Variants in PCDH11X observed in about 807,000 individuals in gnomAD.
The protein encoded by PCDH11X is protocadherin 11 X-linked, also known as protocadherin-11 X-linked.
Under a neutral mutation model 53.3 loss-of-function variants are expected in PCDH11X, and 18 were observed. The observed-to-expected ratio is 0.34, with a 90% CI of 0.23 to 0.50. The LOEUF is 0.50. PCDH11X is among the 20% of genes least tolerant of loss of function. The probability of loss-of-function intolerance (pLI) is 0.98; values close to 1 mark genes in which losing one functional copy is unlikely to be tolerated. For synonymous variants in PCDH11X, 279 were observed against 393.3 expected (o/e 0.71, Z 3.44); for missense variants, 570 against 1,032.4 (o/e 0.55, Z 6.14).
chrX:91,954,874 G>T (rs1363143438), intron 6 of PCDH11X, among the ~76,000 whole-genome samples: 3 of 108,654 alleles, frequency 2.8e-5, no homozygotes, highest in Non-Finnish European at 5.7e-5. Context: ...TTTGTCAGAT[G>T]GATAGATTGC....
At chrX:91,873,357 T>C (rs1011489336) in intron 5 of PCDH11X, among the ~76,000 whole-genome samples, 1 of 109,461 alleles carries the variant, frequency 9.1e-6, no homozygotes, top group Non-Finnish European at 1.9e-5. Context: ...TAAATTAATC[T>C]AATTCATTTA....
intron 9 of PCDH11X, among the ~76,000 whole-genome samples, chrX:92,449,833 G>A (rs1371971114): frequency 9.1e-6 from 1 of 110,396 alleles, no homozygotes; most frequent in Admixed American, 9.8e-5. Context: ...TGATTTAACA[G>A]GAATGAAAAT....
At position 92,422,134 on chromosome X, in the gene PCDH11X, CTT is replaced by C. The variant is rs67131959; in HGVS notation, c.3343+34218_3343+34219del. The stretch of plus-strand genomic sequence containing the variant: ...TAAATGAACCCGTAGAATTTCTTTT[CTT>C]TTTTTTTTTTTTTTTTAAATTTTAT... On this transcript the variant is annotated intron_variant, in intron 9 of 10. Transcript: ENST00000682573. Among the ~76,000 whole-genome samples, 404 of 86,258 alleles carry C rather than the reference CTT, an allele frequency of 4.7e-3. 2 individuals carry two copies. Among genetic ancestry groups the C allele is most frequent in the Middle Eastern group, 0.03 (5 of 167 alleles). The allele number at this position is 86,258 out of a possible 115,157, so 74.9% of individuals were successfully genotyped here. A position where few individuals can be genotyped will look rare whatever the true frequency, so the allele number is the denominator to read the frequency against.
intron 7 of PCDH11X, among the ~76,000 whole-genome samples, chrX:92,233,418 T>C (rs1364060955): frequency 2.7e-5 from 3 of 111,844 alleles, no homozygotes; most frequent in Admixed American, 9.6e-5. Flanking sequence ...GCTTTAGTTG[T>C]CATGCAAGGT....
At chrX:92,146,905 A>G (rs2148226251) in intron 6 of PCDH11X, among the ~76,000 whole-genome samples, 1 of 110,564 alleles carries the variant, frequency 9.0e-6, no homozygotes, top group South Asian at 3.9e-4. Context: ...AGGCTGAGGC[A>G]GGAGAATGGC....
rs190914322 is a variant in PCDH11X, at chrX:92,464,242, C to T, written c.3344-4057C>T. On this transcript the variant is annotated intron_variant, in intron 9 of 10. Coordinates refer to ENST00000682573, the MANE Select transcript of PCDH11X (RefSeq NM_032968.5). The stretch of plus-strand genomic sequence containing the variant: ...CACATTGCAGCTTCTCTGTTTGTAG[C>T]TCATATGGTTTGGCTGTGTCCCCAC... 2.8e-3 allele frequency among the ~76,000 whole-genome samples: 307 copies of T among 111,015 alleles called. 2 individuals carry two copies. Among genetic ancestry groups the T allele is most frequent in the African/African-American group, 9.6e-3 (294 of 30,554 alleles).
At chrX:92,135,343 A>G (rs2065065004) in intron 6 of PCDH11X, among the ~76,000 whole-genome samples, 1 of 111,630 alleles carries the variant, frequency 9.0e-6, no homozygotes, top group Admixed American at 9.6e-5. Context: ...TGTCACAATG[A>G]TAGTGTAACG....
chrX:92,356,462 A>T (rs1225746091), intron 8 of PCDH11X, among the ~76,000 whole-genome samples: 1 of 81,702 alleles, frequency 1.2e-5, no homozygotes, highest in Non-Finnish European at 2.5e-5. Context: ...TTACAACATA[A>T]TTTAGAGTAG....
intron 8 of PCDH11X, among the ~76,000 whole-genome samples, chrX:92,281,795 G>T (rs12557973): frequency 0.033 from 3,636 of 111,018 alleles, 113 homozygotes; most frequent in East Asian, 0.26. Context: ...AGACTAATTT[G>T]GTAGCAGAAT....
intron 10 of PCDH11X, among the ~76,000 whole-genome samples, chrX:92,532,754 C>A (rs1283209962): frequency 9.2e-6 from 1 of 108,790 alleles, no homozygotes; most frequent in Non-Finnish European, 1.9e-5. Context: ...CTGATAAAGA[C>A]ATACATAAGA....
At chrX:92,258,076 C>T (rs896046002) in intron 7 of PCDH11X, among the ~76,000 whole-genome samples, 1 of 111,870 alleles carries the variant, frequency 8.9e-6, no homozygotes, top group Admixed American at 9.5e-5. Context: ...TACCTGCAGG[C>T]TTACCTCCAT....
At chrX:92,384,505 G>A (rs755983680) in intron 8 of PCDH11X, among the ~76,000 whole-genome samples, 3 of 109,022 alleles carry the variant, frequency 2.8e-5, no homozygotes, top group African/African-American at 1.0e-4. Flanking sequence ...GGCTGTGTAG[G>A]AGTCCAGAGT....
intron 9 of PCDH11X, among the ~76,000 whole-genome samples, chrX:92,418,391 T>C (rs939178983): frequency 2.7e-5 from 3 of 111,033 alleles, no homozygotes; most frequent in African/African-American, 6.5e-5. Context: ...TATTCTTGAC[T>C]TTTTTTCCTA....
At chrX:92,000,675 C>T (rs1041609677) in intron 6 of PCDH11X, among the ~76,000 whole-genome samples, 4 of 109,568 alleles carry the variant, frequency 3.7e-5, no homozygotes, top group African/African-American at 6.6e-5. Flanking sequence ...CTTGTTTATT[C>T]GTTCTAACTA....
At chrX:92,392,691 T>C (rs1371326765) in intron 9 of PCDH11X, among the ~76,000 whole-genome samples, 1 of 110,512 alleles carries the variant, frequency 9.0e-6, no homozygotes, top group Non-Finnish European at 1.9e-5. Flanking sequence ...CCAAAAACTG[T>C]GAAACTTTAA....
intron 6 of PCDH11X, among the ~76,000 whole-genome samples, chrX:92,125,688 G>A (rs1482572042): frequency 9.1e-6 from 1 of 109,876 alleles, no homozygotes; most frequent in African/African-American, 3.3e-5. Context: ...TAGGGTACAT[G>A]TGCACAATGT....
intron 8 of PCDH11X, among the ~76,000 whole-genome samples, chrX:92,283,251 C>G (rs1228662045): frequency 9.0e-6 from 1 of 111,254 alleles, no homozygotes; most frequent in Non-Finnish European, 1.9e-5. Context: ...ATGGGTTGTA[C>G]AGAAAAAATT....
intron 8 of PCDH11X, among the ~76,000 whole-genome samples, chrX:92,267,331 G>T (rs2067854946): frequency 8.9e-6 from 1 of 112,144 alleles, no homozygotes; most frequent in Non-Finnish European, 1.9e-5. Flanking sequence ...AACTGACTGA[G>T]ATTCTCCGAG....
intron 10 of PCDH11X, among the ~76,000 whole-genome samples, chrX:92,591,602 G>A (rs1925041109): frequency 9.0e-6 from 1 of 111,513 alleles, no homozygotes; most frequent in Admixed American, 9.5e-5. Context: ...GTTTCTTCTT[G>A]TCTTGCTTTA....
Sources: gnomAD v4.1 joint callset for allele counts (sites outside exome capture counted in the v4.1 genomes callset) on GRCh38, gnomAD v4.1.1 for gene constraint, MANE v1.5 for transcripts, NCBI Gene and HGNC (gene_info 2026-07-23, HGNC 2026-07-21) for gene names.